NAV3: variants seen among roughly 807,000 people sequenced by gnomAD.
NAV3 encodes the protein neuron navigator 3.
NAV3 carries 87 observed loss-of-function variants against 244.7 expected under a neutral mutation model. The observed-to-expected ratio is 0.36, with a 90% confidence interval of 0.30 to 0.42. The LOEUF is 0.42. Among genes scored for constraint, NAV3 ranks in the 20% least tolerant of loss-of-function variants. The probability of loss-of-function intolerance (pLI) is 1.00; values close to 1 mark genes in which losing one functional copy is unlikely to be tolerated. For synonymous variants in NAV3, 1,126 were observed against 1,042.2 expected (o/e 1.08, Z -1.55); for missense variants, 2,663 against 2,893.3 (o/e 0.92, Z 1.83).
At chr12:77,760,627 T>A (rs1183820722) in intron 2 of NAV3, among the ~76,000 whole-genome samples, 4 of 152,176 alleles carry the variant, frequency 2.6e-5, no homozygotes, top group Non-Finnish European at 5.9e-5. Context: ...ATGAAATTCT[T>A]GGTATAAATT....
chr12:77,861,783 T>G (rs2136341135), intron 1 of NAV3, among the ~76,000 whole-genome samples: 1 of 151,956 alleles, frequency 6.6e-6, no homozygotes, highest in Middle Eastern at 3.4e-3. Context: ...CATGAAGGTT[T>G]ATTTACTATT....
At chr12:77,971,242 T>C (rs1892974593) in intron 5 of NAV3, among the ~76,000 whole-genome samples, 2 of 152,134 alleles carry the variant, frequency 1.3e-5, no homozygotes, top group South Asian at 2.1e-4. Flanking sequence ...CTTTAAAGCC[T>C]TTAAGGCTGT....
chr12:77,623,300 T>C (rs1022070977), intron 2 of NAV3, among the ~76,000 whole-genome samples: 10 of 152,222 alleles, frequency 6.6e-5, no homozygotes, highest in Non-Finnish European at 2.9e-5. Flanking sequence ...ACCCAGTGTT[T>C]CTTAAGGCAC....
At chr12:78,149,963 G>A (rs1957011354) in intron 22 of NAV3, among the ~76,000 whole-genome samples, 2 of 151,860 alleles carry the variant, frequency 1.3e-5, no homozygotes, top group South Asian at 4.1e-4. Flanking sequence ...CTGAAATTTG[G>A]GAGAATTAAT....
intron 9 of NAV3, among the ~76,000 whole-genome samples, chr12:78,039,057 AT>A (rs796091596): frequency 3.3e-5 from 5 of 152,086 alleles, no homozygotes; most frequent in African/African-American, 7.2e-5. Context: ...CTGTTTAAGT[AT>A]TTTTTTTCCT....
chr12:77,664,093 G>T (rs925806882), intron 2 of NAV3, among the ~76,000 whole-genome samples: 1 of 152,182 alleles, frequency 6.6e-6, no homozygotes, highest in African/African-American at 2.4e-5. Context: ...TGGTAAACAT[G>T]ACATTAACCA....
intron 2 of NAV3, among the ~76,000 whole-genome samples, chr12:77,792,258 G>A (rs1040231855): frequency 6.6e-6 from 1 of 152,104 alleles, no homozygotes; most frequent in East Asian, 1.9e-4. Flanking sequence ...ACTCAGGTGG[G>A]CAAGAAATAA....
At chr12:77,637,614 T>C (rs1206340437) in intron 2 of NAV3, among the ~76,000 whole-genome samples, 3 of 152,172 alleles carry the variant, frequency 2.0e-5, no homozygotes, top group Non-Finnish European at 4.4e-5. Context: ...TTTACAGAAG[T>C]GGAAATGAGG....
At chr12:77,682,442 G>A (rs528325281) in intron 2 of NAV3, among the ~76,000 whole-genome samples, 47 of 152,198 alleles carry the variant, frequency 3.1e-4, no homozygotes, top group Non-Finnish European at 6.2e-4. Flanking sequence ...TTGGTTTTTA[G>A]GAATAATGCT....
At chr12:77,827,218 A>G (rs1218584865), upstream of NAV3, among the ~76,000 whole-genome samples, 1 of 133,350 alleles carries the variant, frequency 7.5e-6, no homozygotes, top group Non-Finnish European at 1.6e-5. Flanking sequence ...CTTAGGGGAT[A>G]GAGCAAGACT....
intron 20 of NAV3, among the ~76,000 whole-genome samples, chr12:78,144,524 CCA>C (rs1956768738): frequency 6.6e-6 from 1 of 151,908 alleles, no homozygotes; most frequent in Non-Finnish European, 1.5e-5. Flanking sequence ...GTATTAATAA[CCA>C]CAGAGTACGA....
chr12:77,845,384 T>C (rs1388397005), intron 1 of NAV3, among the ~76,000 whole-genome samples: 1 of 152,070 alleles, frequency 6.6e-6, no homozygotes, highest in Non-Finnish European at 1.5e-5. Flanking sequence ...CATCCTAATA[T>C]TGAATGACTT....
intron 2 of NAV3, among the ~76,000 whole-genome samples, chr12:77,612,511 C>A (rs1393925568): frequency 6.6e-6 from 1 of 152,066 alleles, no homozygotes; most frequent in Non-Finnish European, 1.5e-5. Context: ...GCAGGAGAGA[C>A]CAGGTTTCCC....
intron 1 of NAV3, among the ~76,000 whole-genome samples, chr12:77,873,117 T>G (rs2136478876): frequency 6.6e-6 from 1 of 152,312 alleles, no homozygotes; most frequent in African/African-American, 2.4e-5. Flanking sequence ...ATTTCTTTAT[T>G]TATATTTATA....
At chr12:77,691,392 A>G (rs1339978885) in intron 2 of NAV3, among the ~76,000 whole-genome samples, 2 of 130,434 alleles carry the variant, frequency 1.5e-5, no homozygotes, top group African/African-American at 5.8e-5. Flanking sequence ...TCAAACATAA[A>G]TTTTATTTCT....
At chr12:77,980,261 C>A (rs1408795395) in intron 5 of NAV3, among the ~76,000 whole-genome samples, 1 of 151,998 alleles carries the variant, frequency 6.6e-6, no homozygotes, top group Non-Finnish European at 1.5e-5. Context: ...CAAAAGAAAC[C>A]ATAAACGTCA....
At chr12:78,029,952 C>T (rs1369389872) in intron 9 of NAV3, among the ~76,000 whole-genome samples, 4 of 152,082 alleles carry the variant, frequency 2.6e-5, no homozygotes. Context: ...GATAGAGACA[C>T]CTTTGATTTC....
At chr12:77,964,799 A>T (rs1892365038) in intron 3 of NAV3, among the ~76,000 whole-genome samples, 1 of 149,062 alleles carries the variant, frequency 6.7e-6, no homozygotes. Flanking sequence ...TAATTAATAT[A>T]AATTTTTTTT....
At chr12:77,588,795 T>A (rs1345806364) in intron 2 of NAV3, among the ~76,000 whole-genome samples, 1 of 152,098 alleles carries the variant, frequency 6.6e-6, no homozygotes, top group East Asian at 1.9e-4. Context: ...AAGGAAAAAA[T>A]TATAATTTTG....
Sources: allele counts gnomAD v4.1 joint callset (sites outside exome capture counted in the v4.1 genomes callset), GRCh38; gene constraint gnomAD v4.1.1; transcripts MANE v1.5; gene names NCBI Gene and HGNC (gene_info 2026-07-23, HGNC 2026-07-21).